Variants in CLCN7 observed in about 807,000 individuals in gnomAD.
CLCN7 encodes Cl-/H+ antiporter 7, also known as H(+)/Cl(-) exchange transporter 7.
A neutral mutation model predicts 102.1 loss-of-function variants in CLCN7; 60 were observed. That is an observed-to-expected ratio of 0.59 (90% CI 0.48 to 0.73). The LOEUF is 0.73. Ranked by LOEUF, CLCN7 falls within the 30% of genes least tolerant of loss-of-function variation. CLCN7 has a pLI of 0.00. For missense variants in CLCN7, 962 were observed against 1,125.7 expected (o/e 0.85, Z 2.08); for synonymous variants, 560 against 490.5 (o/e 1.14, Z -1.87).
At chr16:1,460,689 G>GACAC in intron 5 of CLCN7, 127 bp downstream of exon 5, 1 of 1,446,994 alleles carries the variant, frequency 6.9e-7, no homozygotes, top group South Asian at 1.2e-5. Flanking sequence ...CCATGACAGG[G>GACAC]ACACAGCCAG....
chr16:1,446,306 C>T lies in CLCN7; in HGVS notation c.*325G>A, dbSNP rs1451086627. On this transcript the variant is annotated 3_prime_UTR_variant, in exon 25 of 25. Transcript: ENST00000382745. ...CGGGCACAGGCACGCAGGTGCCGGC[C>T]CTGCCGCTGGCTCCCAAGAGGCCGA... 2.1e-5 allele frequency: 15 copies of T among 700,402 alleles called. No homozygotes were observed. Among genetic ancestry groups the T allele is most frequent in the Non-Finnish European group, 5.2e-6 (2 of 384,304 alleles). 43.4% of individuals were successfully genotyped at this position (700,402 alleles called of 1,614,324 possible).
chr16:1,446,836 G>T, intron 24 of CLCN7, 119 bp from the exon 25 acceptor site: 1 of 1,135,386 alleles, frequency 8.8e-7, no homozygotes, highest in Non-Finnish European at 1.3e-6. Flanking sequence ...CTTCAGCACA[G>T]CCCCCGAGCT....
chr16:1,453,872 G>C lies in CLCN7; in HGVS notation c.1176C>G (p.Phe392Leu). The C allele has an allele frequency of 1.2e-6, 2 of 1,613,360 alleles. No homozygotes were observed. The highest frequency in any genetic ancestry group is 1.7e-6 in the Non-Finnish European group (2 of 1,180,040). Reference sequence around the variant, plus strand: ...TGGTCAGCCAGTAGTTCAAGGCATTGAACACTGCTCCAAGCACACCGCCTG... The same window carrying C: ...TGGTCAGCCAGTAGTTCAAGGCATTCAACACTGCTCCAAGCACACCGCCTG... ...GVVGGVLGAV[F>L]NALNYWLTMF... The change falls in exon 14 of 25, where the codon TTC becomes TTG. Residue 392 changes from phenylalanine to leucine, a missense_variant. This residue lies in a region of CLCN7 where 799 missense variants were observed against 988.0 expected (regional missense o/e 0.81). Coordinates refer to ENST00000382745, the MANE Select transcript of CLCN7 (RefSeq NM_001287.6).
rs2038635489 is a variant in CLCN7 at position 1,446,131 on chromosome 16, A to G, written c.*500T>C. The G allele has an allele frequency of 3.3e-6, 2 of 599,928 alleles. No individual in the cohort carries two copies. Among genetic ancestry groups the G allele is most frequent in the Non-Finnish European group, 5.9e-6 (2 of 337,692 alleles). The allele number at this position is 599,928 out of a possible 1,614,324, so 37.2% of individuals were successfully genotyped here. On this transcript the variant is annotated 3_prime_UTR_variant, in exon 25 of 25. Coordinates refer to ENST00000382745, the MANE Select transcript of CLCN7 (RefSeq NM_001287.6). ...TGCTACGAGTCCGTGCCTCAGGCCCAGGGACCACAGGCCGTCTGCTCATGG... is the reference window on the plus strand; with the variant it reads ...TGCTACGAGTCCGTGCCTCAGGCCCGGGGACCACAGGCCGTCTGCTCATGG...
At chr16:1,462,247 G>A (rs1441890883) in intron 2 of CLCN7, among the ~76,000 whole-genome samples, 1 of 151,134 alleles carries the variant, frequency 6.6e-6, no homozygotes, top group Non-Finnish European at 1.5e-5. Flanking sequence ...CAATCCATGA[G>A]GCCGGGTGCG....
rs12932233 is a variant in CLCN7 at position 1,462,671 on chromosome 16, A to C, written c.214-997T>G. Reference sequence around the variant, plus strand: ...CCAACTCTTAAAAAAAAGCCAAAAAAAAAAAAAAAAAAAAAACCAGGCATG... The same window carrying C: ...CCAACTCTTAAAAAAAAGCCAAAAACAAAAAAAAAAAAAAAACCAGGCATG... On this transcript the variant is annotated intron_variant, in intron 2 of 24. Transcript: ENST00000382745. Among the ~76,000 whole-genome samples, 124 of 59,304 alleles carry C rather than the reference A, an allele frequency of 2.1e-3. 3 individuals are homozygous for C. Among genetic ancestry groups the C allele is most frequent in the Middle Eastern group, 9.3e-3 (1 of 108 alleles). The allele number at this position is 59,304 out of a possible 152,430, so 38.9% of individuals were successfully genotyped here.
At chr16:1,455,278 C>T (rs751755191) in intron 11 of CLCN7, 28 bp from the exon 12 acceptor site, 2 of 1,399,762 alleles carry the variant, frequency 1.4e-6, no homozygotes, top group Non-Finnish European at 2.0e-6. Flanking sequence ...AAACCAGCGC[C>T]CTCAGAGCCA....
Position 1,457,247 on chromosome 16 carries a change from A to G in CLCN7, c.822+7T>C. 4 of 1,613,658 alleles carry G rather than the reference A, an allele frequency of 2.5e-6. No individual in the cohort carries two copies. Among genetic ancestry groups the G allele is most frequent in the Non-Finnish European group, 3.4e-6 (4 of 1,179,748 alleles). On this transcript the variant is annotated splice_region_variant and intron_variant, in intron 9 of 24. Transcript: ENST00000382745. The surrounding 1 kb of genome is among the most constrained non-coding windows in gnomAD (Gnocchi z 5.4). ...CTGGAGCCCACCCACACAAGATTTCAACTCACCTTGAAATCTCGTTTCAGT... is the reference window on the plus strand; with the variant it reads ...CTGGAGCCCACCCACACAAGATTTCGACTCACCTTGAAATCTCGTTTCAGT...
At chr16:1,455,296 A>G in intron 11 of CLCN7, 46 bp from the exon 12 acceptor site, 1 of 1,225,404 alleles carries the variant, frequency 8.2e-7, no homozygotes, top group Non-Finnish European at 1.2e-6. Flanking sequence ...CCACGCTCCC[A>G]GCCCAGGGCT....
Position 1,456,165 on chromosome 16 carries a change from G to A in CLCN7, c.864C>T (p.Phe288=), listed in dbSNP as rs368342297. ...YFRRDTEKRD[F]VSAGAAAGVS... ...CTCCGGCCGCAGCCCCTGCGGAGAC[G>A]AAGTCCCGCTTCTCTGTGTCTCTGC... The change falls in exon 10 of 25, where the codon TTC becomes TTT. Residue 288 remains phenylalanine, a synonymous_variant. Coordinates refer to ENST00000382745, the MANE Select transcript of CLCN7 (RefSeq NM_001287.6). The A allele has an allele frequency of 5.4e-5, 84 of 1,568,228 alleles. No homozygotes were observed. The highest frequency in any genetic ancestry group is 2.1e-4 in the East Asian group (9 of 42,116).
chr16:1,468,332 C>G (rs893942154), intron 1 of CLCN7, among the ~76,000 whole-genome samples: 1 of 152,202 alleles, frequency 6.6e-6, no homozygotes. Flanking sequence ...GGTTGCCCCC[C>G]AGCAGGGCAT....
At chr16:1,453,781 G>C (rs2038790873) in intron 14 of CLCN7, 53 bp downstream of exon 14, 1 of 1,545,378 alleles carries the variant, frequency 6.5e-7, no homozygotes, top group African/African-American at 1.4e-5. Flanking sequence ...CGCTTTCAAA[G>C]GGCCTGTGTG....
chr16:1,449,425 C>T, intron 17 of CLCN7, 98 bp from the exon 18 acceptor site: 2 of 1,185,124 alleles, frequency 1.7e-6, no homozygotes, highest in South Asian at 2.6e-5. Flanking sequence ...CCAGCAGCCC[C>T]ACAGCCAGGA....
chr16:1,449,130 T>C, intron 18 of CLCN7, 37 bp from the exon 19 acceptor site: 2 of 1,611,958 alleles, frequency 1.2e-6, no homozygotes, highest in Non-Finnish European at 1.7e-6. Context: ...ACGTCCACCC[T>C]CCTGGCTCAG....
At position 1,447,344 on chromosome 16, in the gene CLCN7, T is replaced by C. The variant is rs761274002; in HGVS notation, c.2250+48A>G. 1.2e-5 allele frequency: 16 copies of C among 1,342,332 alleles called. No homozygotes were observed. The South Asian group carries it at 2.0e-4, about 17-fold the overall frequency. 83.2% of individuals were successfully genotyped at this position (1,342,332 alleles called of 1,614,324 possible). A position where few individuals can be genotyped will look rare whatever the true frequency, so the allele number is the denominator to read the frequency against. ...CCCCGAGGCTCTGGACCCCACCCCC[T>C]GCTGTTCAGTCCCAGGCCCCACGCC... On this transcript the variant is annotated intron_variant, in intron 23 of 24. Transcript: ENST00000382745.
intron 1 of CLCN7, among the ~76,000 whole-genome samples, chr16:1,468,187 C>T (rs1002808492): frequency 2.0e-5 from 3 of 152,248 alleles, no homozygotes; most frequent in African/African-American, 7.2e-5. Context: ...TACACCACGA[C>T]AGCACTGTCC....
intron 1 of CLCN7, among the ~76,000 whole-genome samples, chr16:1,467,324 T>C (rs1289313761): frequency 6.6e-6 from 1 of 152,124 alleles, no homozygotes; most frequent in African/African-American, 2.4e-5. Context: ...CTGCCCCTCC[T>C]CTTCCCCCAG....
At chr16:1,451,748 G>C (rs1286508631) in intron 15 of CLCN7, 32 bp from the exon 16 acceptor site, 1 of 1,572,954 alleles carries the variant, frequency 6.4e-7, no homozygotes, top group African/African-American at 1.3e-5. Flanking sequence ...CACGTTGGGA[G>C]GGGAGATGAG....
rs552571894 is a variant in CLCN7, at chr16:1,465,169, C to T, written c.213+98G>A. On this transcript the variant is annotated intron_variant, in intron 2 of 24. Transcript: ENST00000382745. ...CTTCCCTGAACCCCGGCCCTGGGGC[C>T]CCACTATCTCCCTGCCGCTCGGCCC... 921 of 1,214,894 alleles carry T rather than the reference C, an allele frequency of 7.6e-4. 5 individuals carry two copies. Among genetic ancestry groups the T allele is most frequent in the Non-Finnish European group, 3.6e-5 (30 of 834,752 alleles). The allele number at this position is 1,214,894 out of a possible 1,614,324, so 75.3% of individuals were successfully genotyped here.
Sources: gnomAD v4.1 joint callset for allele counts (sites outside exome capture counted in the v4.1 genomes callset) on GRCh38, gnomAD v4.1.1 for gene constraint, gnomAD v4.1.1 regional missense constraint, Gnocchi (gnomAD v3.1) non-coding constraint, MANE v1.5 for transcripts, NCBI Gene and HGNC (gene_info 2026-07-23, HGNC 2026-07-21) for gene names.